Variants in UMAD1 observed in about 807,000 individuals in gnomAD.
UMAD1 encodes UBAP1-MVB12-associated (UMA) domain containing 1, also known as UBAP1-MVB12-associated (UMA)-domain containing protein 1.
UMAD1 carries 8 observed loss-of-function variants against 6.1 expected under a neutral mutation model. The ratio of observed to expected loss-of-function variants is 1.30; its 90% CI spans 0.76 to 2.35. The LOEUF (loss-of-function observed/expected upper bound fraction) is 2.35. Ranked by LOEUF, UMAD1 falls within the 30% of genes most tolerant of loss-of-function variation. The pLI, the probability that UMAD1 is intolerant of heterozygous loss-of-function variation, is 0.00. For synonymous variants in UMAD1, 56 were observed against 31.4 expected, an observed-to-expected ratio of 1.78 and a Z score of -2.61; for missense variants, 130 against 78.4, an observed-to-expected ratio of 1.66 and a Z score of -2.49.
rs1554308886 is a variant in UMAD1 at position 7,649,175 on chromosome 7, A to AAAAG, written c.-64+8357_-64+8358insGAAA. Among the ~76,000 whole-genome samples the AAAAG allele has an allele frequency of 4.8e-5, 5 of 104,610 alleles. 1 individual carries two copies. The highest frequency in any genetic ancestry group is 3.3e-4 in the Admixed American group (3 of 9,184). 68.6% of individuals were successfully genotyped at this position (104,610 alleles called of 152,430 possible). ...CTCCATCTCAAAAAAAAAAAAAAAA[A>AAAAG]AAAAGAAAAGAAAAGAATAAAAAAG... On this transcript the variant is annotated intron_variant, in intron 1 of 3. Coordinates refer to ENST00000682710, the MANE Select transcript of UMAD1 (RefSeq NM_001302348.2).
chr7:7,749,291 C>G (rs189241405), intron 2 of UMAD1, among the ~76,000 whole-genome samples: 1 of 152,244 alleles, frequency 6.6e-6, no homozygotes, highest in East Asian at 1.9e-4. Context: ...GGACTCTTTT[C>G]TAGGTTTTTA....
chr7:7,748,797 T>G (rs1467246376), intron 2 of UMAD1, among the ~76,000 whole-genome samples: 4 of 152,014 alleles, frequency 2.6e-5, no homozygotes, highest in Admixed American at 2.6e-4. Flanking sequence ...TTCTTTTATT[T>G]TTAGGAGCAA....
At chr7:7,868,124 A>G (rs1784266152) in intron 3 of UMAD1, among the ~76,000 whole-genome samples, 1 of 152,144 alleles carries the variant, frequency 6.6e-6, no homozygotes, top group South Asian at 2.1e-4. Flanking sequence ...CTACTGGGAA[A>G]ATATGAGCTG....
chr7:7,857,949 T>A (rs1030197387), intron 3 of UMAD1, among the ~76,000 whole-genome samples: 2 of 152,232 alleles, frequency 1.3e-5, no homozygotes, highest in Non-Finnish European at 2.9e-5. Flanking sequence ...TTAAAAGGCA[T>A]GAAGTGAAAT....
intron 2 of UMAD1, among the ~76,000 whole-genome samples, chr7:7,715,717 T>G (rs1780884264): frequency 6.6e-6 from 1 of 152,184 alleles, no homozygotes; most frequent in South Asian, 2.1e-4. Context: ...GTAATATCCT[T>G]CCTGTAATCC....
intron 2 of UMAD1, chr7:7,741,105 A>G (rs960178199): frequency 3.3e-5 from 5 of 152,178 alleles, no homozygotes; most frequent in African/African-American, 1.2e-4. Flanking sequence ...AGCTAATAGC[A>G]TGGCAGTGAG....
At position 7,720,857 on chromosome 7, in the gene UMAD1, C is replaced by A. The variant is rs1583773824; in HGVS notation, c.82+47404C>A. 2.0e-5 allele frequency among the ~76,000 whole-genome samples: 3 copies of A among 152,228 alleles called. 1 individual carries two copies. The highest frequency in any genetic ancestry group is 4.4e-5 in the Non-Finnish European group (3 of 68,012). Reference sequence around the variant, plus strand: ...TCCCCCCAAAAAGGTATATTTAAGACTTCACCCCCAGTACCTATGAATGTG... The same window carrying A: ...TCCCCCCAAAAAGGTATATTTAAGAATTCACCCCCAGTACCTATGAATGTG... On this transcript the variant is annotated intron_variant, in intron 2 of 3. Coordinates refer to ENST00000682710, the MANE Select transcript of UMAD1 (RefSeq NM_001302348.2).
At chr7:7,777,768 A>C (rs1214030537) in intron 2 of UMAD1, among the ~76,000 whole-genome samples, 1 of 152,000 alleles carries the variant, frequency 6.6e-6, no homozygotes, top group Non-Finnish European at 1.5e-5. Context: ...GGATGTTTAA[A>C]ATTTGTAAAA....
At chr7:7,872,095 T>TA (rs1475677326) in intron 3 of UMAD1, among the ~76,000 whole-genome samples, 1 of 146,834 alleles carries the variant, frequency 6.8e-6, no homozygotes, top group Admixed American at 6.8e-5. Flanking sequence ...AAATAAAAAA[T>TA]AAAAAATAAA....
intron 3 of UMAD1, among the ~76,000 whole-genome samples, chr7:7,809,978 C>T (rs976966023): frequency 3.3e-5 from 5 of 151,886 alleles, no homozygotes; most frequent in Non-Finnish European, 7.4e-5. Flanking sequence ...AAGATTACTG[C>T]ATTAAAAACT....
rs533401525 is a variant in UMAD1, at chr7:7,830,165, G to T, written c.156+28422G>T. ...GAGGCATTTGCCAGTGGACCTGCAG[G>T]TCTGGCCAAGCCCCTGCTAGGACTG... On this transcript the variant is annotated intron_variant, in intron 3 of 3. Coordinates refer to ENST00000682710, the MANE Select transcript of UMAD1 (RefSeq NM_001302348.2). The surrounding 1 kb of genome is among the most constrained non-coding windows in gnomAD (Gnocchi z 5.3). Among the ~76,000 whole-genome samples the T allele has an allele frequency of 3.3e-4, 51 of 152,310 alleles. No homozygotes were observed. Among genetic ancestry groups the T allele is most frequent in the African/African-American group, 1.2e-3 (50 of 41,574 alleles).
intron 2 of UMAD1, among the ~76,000 whole-genome samples, chr7:7,775,445 T>TGCCTCTCATTCTCTTTCCTGCC (rs554020954): frequency 1.6e-4 from 25 of 152,356 alleles, no homozygotes; most frequent in Admixed American, 1.6e-3. Flanking sequence ...TTTTCCCTGC[T>TGCCTCTCATTCTCTTTCCTGCC]GTCTCTCATT....
intron 2 of UMAD1, among the ~76,000 whole-genome samples, chr7:7,758,855 T>C (rs1187784066): frequency 1.3e-5 from 2 of 152,204 alleles, no homozygotes; most frequent in African/African-American, 4.8e-5. Context: ...ACTCTCTCTC[T>C]CCCCACCCTG....
chr7:7,872,046 A>G (rs531058878), intron 3 of UMAD1, among the ~76,000 whole-genome samples: 27 of 151,858 alleles, frequency 1.8e-4, no homozygotes, highest in Non-Finnish European at 3.2e-4. Context: ...GGGGGCCTTC[A>G]TGTCCCATCA....
chr7:7,842,096 G>GT (rs1006576524), intron 3 of UMAD1, among the ~76,000 whole-genome samples: 2 of 152,126 alleles, frequency 1.3e-5, no homozygotes, highest in Non-Finnish European at 2.9e-5. Flanking sequence ...TAAAGTTTAT[G>GT]TTTTATAAAC....
At chr7:7,836,720 A>C (rs1485466595) in intron 3 of UMAD1, among the ~76,000 whole-genome samples, 1 of 151,994 alleles carries the variant, frequency 6.6e-6, no homozygotes, top group Non-Finnish European at 1.5e-5. Flanking sequence ...ACAGTTATTC[A>C]ATGCATAGGT....
chr7:7,668,930 C>T (rs976456036), intron 1 of UMAD1, among the ~76,000 whole-genome samples: 4 of 152,164 alleles, frequency 2.6e-5, no homozygotes, highest in Non-Finnish European at 5.9e-5. Flanking sequence ...CACACTCACT[C>T]AGAAAGGAAC....
At position 7,847,222 on chromosome 7, in the gene UMAD1, T is replaced by C. The variant is rs193174239; in HGVS notation, c.157-30059T>C. The stretch of plus-strand genomic sequence containing the variant: ...CCAATGAACATGGTTTGCCTGGGAC[T>C]GTCCAGTTTTAGCATTGAAAGTTCT... On this transcript the variant is annotated intron_variant, in intron 3 of 3. Coordinates refer to ENST00000682710, the MANE Select transcript of UMAD1 (RefSeq NM_001302348.2). 3.0e-4 allele frequency among the ~76,000 whole-genome samples: 45 copies of C among 148,480 alleles called. No individual in the cohort carries two copies. In the East Asian group the frequency reaches 8.7e-3, roughly 29 times the overall value.
chr7:7,719,364 C>T (rs921373135), intron 2 of UMAD1, among the ~76,000 whole-genome samples: 2 of 152,274 alleles, frequency 1.3e-5, no homozygotes, highest in Non-Finnish European at 1.5e-5. Flanking sequence ...GCACTTGTAT[C>T]GCAGCAACTG....
Sources: gnomAD v4.1 joint callset for allele counts (sites outside exome capture counted in the v4.1 genomes callset) on GRCh38, gnomAD v4.1.1 for gene constraint, Gnocchi (gnomAD v3.1) non-coding constraint, MANE v1.5 for transcripts, NCBI Gene and HGNC (gene_info 2026-07-23, HGNC 2026-07-21) for gene names.